ERP27: variants seen among roughly 807,000 people sequenced by gnomAD.
ERP27 encodes the protein endoplasmic reticulum resident protein 27.
Under a neutral mutation model 27.7 loss-of-function variants are expected in ERP27, and 23 were observed. The ratio of observed to expected loss-of-function variants is 0.83; its 90% confidence interval spans 0.60 to 1.18. ERP27 has a LOEUF of 1.18. ERP27 is among the 50% of genes most tolerant of loss of function. The pLI, the probability that ERP27 is intolerant of heterozygous loss-of-function variation, is 0.00. For synonymous variants in ERP27, 159 were observed against 118.3 expected, an observed-to-expected ratio of 1.34 and a Z score of -2.23; for missense variants, 363 against 327.9, an observed-to-expected ratio of 1.11 and a Z score of -0.83.
chr12:14,925,257 G>A (rs1391490587), intron 3 of ERP27, among the ~76,000 whole-genome samples: 1 of 152,144 alleles, frequency 6.6e-6, no homozygotes, highest in Non-Finnish European at 1.5e-5. Flanking sequence ...AACCATGGAA[G>A]GAACTATAGT....
At chr12:14,919,174 G>A (rs1251994317) in intron 4 of ERP27, among the ~76,000 whole-genome samples, 4 of 152,148 alleles carry the variant, frequency 2.6e-5, no homozygotes, top group Admixed American at 2.6e-4. Flanking sequence ...AGTAGAATGG[G>A]CAGTTCTCCA....
At chr12:14,937,730 G>A (rs570495117) in intron 2 of ERP27, among the ~76,000 whole-genome samples, 5 of 152,346 alleles carry the variant, frequency 3.3e-5, no homozygotes, top group Non-Finnish European at 7.3e-5. Flanking sequence ...CAGCCCACAG[G>A]CTCAGAACTC....
chr12:14,938,009 G>A lies in ERP27; in HGVS notation c.138C>T (p.Val46=), dbSNP rs770699632. The change falls in exon 2 of 7, where the codon GTC becomes GTT. Residue 46 remains valine (V), a synonymous_variant. Transcript: ENST00000266397. ...AAQEPTWLTD[V]PAAMEFIAAT... ...CAGCAATGAATTCCATGGCAGCTGG[G>A]ACATCTGTGAGCCACGTGGGTTCCT... 1.7e-5 allele frequency: 27 copies of A among 1,614,126 alleles called. No individual in the cohort carries two copies. The highest frequency in any genetic ancestry group is 2.3e-5 in the Non-Finnish European group (27 of 1,179,976).
At chr12:14,930,212 A>T (rs1467164397) in intron 3 of ERP27, among the ~76,000 whole-genome samples, 1 of 152,176 alleles carries the variant, frequency 6.6e-6, no homozygotes, top group Non-Finnish European at 1.5e-5. Flanking sequence ...AAAATAAAAA[A>T]TGTTTTATAA....
chr12:14,932,136 A>C (rs1863706594), intron 3 of ERP27, among the ~76,000 whole-genome samples: 1 of 152,196 alleles, frequency 6.6e-6, no homozygotes, highest in Non-Finnish European at 1.5e-5. Context: ...GGTGTATTAT[A>C]GCCCTTTGAA....
At chr12:14,915,390 G>T in intron 6 of ERP27, 99 bp downstream of exon 6, 1 of 1,238,640 alleles carries the variant, frequency 8.1e-7, no homozygotes, top group Non-Finnish European at 1.1e-6. Flanking sequence ...CCAACATTTT[G>T]CTCTCCTCCC....
intron 3 of ERP27, among the ~76,000 whole-genome samples, chr12:14,931,160 T>C (rs1863691113): frequency 8.6e-6 from 1 of 115,912 alleles, no homozygotes; most frequent in Non-Finnish European, 2.1e-5. Flanking sequence ...TCATGGAAAT[T>C]TCTTTATTAA....
intron 4 of ERP27, among the ~76,000 whole-genome samples, chr12:14,920,567 T>A (rs1030153317): frequency 6.6e-5 from 10 of 152,212 alleles, no homozygotes; most frequent in African/African-American, 2.4e-4. Flanking sequence ...AGACAAGGTC[T>A]CGCTATGTTG....
intron 3 of ERP27, among the ~76,000 whole-genome samples, chr12:14,922,067 A>T (rs759771438): frequency 2.0e-5 from 3 of 152,196 alleles, no homozygotes; most frequent in Non-Finnish European, 4.4e-5. Flanking sequence ...ACTGATGAAC[A>T]TTGGTTGTTT....
At chr12:14,937,829 G>T (rs535352833) in intron 2 of ERP27, 123 bp downstream of exon 2, 26 of 698,942 alleles carry the variant, frequency 3.7e-5, no homozygotes, top group Non-Finnish European at 6.4e-5. Context: ...ATCAAACTGG[G>T]TGGCTGTCTC....
intron 3 of ERP27, among the ~76,000 whole-genome samples, chr12:14,922,228 A>C (rs560269048): frequency 6.6e-6 from 1 of 152,298 alleles, no homozygotes; most frequent in Admixed American, 6.5e-5. Context: ...TATCTTCCAA[A>C]GTGGATAATT....
intron 3 of ERP27, among the ~76,000 whole-genome samples, chr12:14,929,873 C>T (rs1863672356): frequency 2.0e-5 from 3 of 152,082 alleles, no homozygotes; most frequent in Admixed American, 1.3e-4. Flanking sequence ...ACTGAGAAAT[C>T]ATTTGTTAAA....
At chr12:14,922,468 T>C (rs1049587261) in intron 3 of ERP27, among the ~76,000 whole-genome samples, 3 of 14,454 alleles carry the variant, frequency 2.1e-4, no homozygotes, top group Non-Finnish European at 3.7e-4. Flanking sequence ...CCTATTTTTC[T>C]TTTGTCTATC....
At chr12:14,921,117 AC>A (rs1461503365) in intron 3 of ERP27, 69 bp from the exon 4 acceptor site, 5 of 1,299,910 alleles carry the variant, frequency 3.8e-6, no homozygotes, top group Non-Finnish European at 4.4e-6. Context: ...ACGTCTTTAG[AC>A]CCCCATGTGA....
chr12:14,916,338 C>T lies in ERP27; in HGVS notation c.577-652G>A, dbSNP rs748127683. On this transcript the variant is annotated intron_variant, in intron 5 of 6. Transcript: ENST00000266397. ...AGCAGAGAGCACGTTTTAAATTCTG[C>T]CTCTGGTACTCTCTAGTTACGTGAG... 8.5e-5 allele frequency among the ~76,000 whole-genome samples: 13 copies of T among 152,192 alleles called. No homozygotes were observed. The South Asian group carries it at 1.0e-3, about 12-fold the overall frequency.
At position 14,919,118 on chromosome 12, in the gene ERP27, C is replaced by T. The variant is rs570839723; in HGVS notation, c.450+1814G>A. 2.6e-4 allele frequency among the ~76,000 whole-genome samples: 40 copies of T among 152,276 alleles called. No individual in the cohort carries two copies. In the South Asian group the frequency reaches 8.1e-3, roughly 31 times the overall value. On this transcript the variant is annotated intron_variant, in intron 4 of 6. Coordinates refer to ENST00000266397, the MANE Select transcript of ERP27 (RefSeq NM_152321.4). ...ATGGCTGGGATTTTCTGCCCAGTTG[C>T]TACTGGTGCAAACCTTTGCACCAGA... is the stretch of plus-strand genomic sequence containing the variant.
At position 14,920,881 on chromosome 12, in the gene ERP27, C is replaced by A. The variant is rs1387792308; in HGVS notation, c.450+51G>T. ...GAGACCTCTGTTATGAAGACCAGTA[C>A]CTTCCCCGACTCAGGGTCTGAAGGG... On this transcript the variant is annotated intron_variant, in intron 4 of 6. Coordinates refer to ENST00000266397, the MANE Select transcript of ERP27 (RefSeq NM_152321.4). The A allele has an allele frequency of 2.8e-6, 4 of 1,441,692 alleles. No homozygotes were observed. The East Asian group carries it at 9.1e-5, about 33-fold the overall frequency. The allele number at this position is 1,441,692 out of a possible 1,614,324, so 89.3% of individuals were successfully genotyped here. A position where few individuals can be genotyped will look rare whatever the true frequency, so the allele number is the denominator to read the frequency against.
At chr12:14,934,734 G>A (rs1863749152) in intron 3 of ERP27, 122 bp downstream of exon 3, 1 of 1,207,320 alleles carries the variant, frequency 8.3e-7, no homozygotes, top group Non-Finnish European at 1.2e-6. Flanking sequence ...TGTCAACAAT[G>A]TCCCTGAATT....
intron 3 of ERP27, among the ~76,000 whole-genome samples, chr12:14,923,073 CA>C (rs34941606): frequency 0.051 from 6,422 of 126,744 alleles, 353 homozygotes; most frequent in African/African-American, 0.15. Flanking sequence ...AACTCTGTCT[CA>C]AAAAAAAAAA....
Sources: allele counts gnomAD v4.1 joint callset (sites outside exome capture counted in the v4.1 genomes callset), GRCh38; gene constraint gnomAD v4.1.1; transcripts MANE v1.5; gene names NCBI Gene and HGNC (gene_info 2026-07-23, HGNC 2026-07-21).